Variants in CDH13 observed in about 807,000 individuals in gnomAD.
CDH13 encodes cadherin-13.
A neutral mutation model predicts 63.8 loss-of-function variants in CDH13; 24 were observed. The observed-to-expected ratio is 0.38, with a 90% CI of 0.27 to 0.53. CDH13 has a LOEUF of 0.53. CDH13 is among the 20% of genes least tolerant of loss of function. The pLI is 0.85. For synonymous variants in CDH13, 503 were observed against 355.3 expected, an observed-to-expected ratio of 1.42 and a Z score of -4.67; for missense variants, 1,049 against 903.1, an observed-to-expected ratio of 1.16 and a Z score of -2.07.
chr16:82,979,723 G>A (rs980080416), intron 2 of CDH13, among the ~76,000 whole-genome samples: 2 of 152,194 alleles, frequency 1.3e-5, no homozygotes, highest in African/African-American at 4.8e-5. Context: ...TTAGCAGGAT[G>A]AGAACAGACA....
intron 1 of CDH13, among the ~76,000 whole-genome samples, chr16:82,720,474 T>C (rs902308588): frequency 6.6e-6 from 1 of 152,176 alleles, no homozygotes; most frequent in Non-Finnish European, 1.5e-5. Context: ...GAACTGACCC[T>C]GGACAGGACA....
rs78553682 is a variant in CDH13, at chr16:83,657,348, C to A, written c.1102-13442C>A. The stretch of plus-strand genomic sequence containing the variant: ...GGTCAAACAAGGTGTCCCCCATAGA[C>A]CGTCAAGAAGACAGGCTGCTGCTTT... On this transcript the variant is annotated intron_variant, in intron 8 of 13. Coordinates refer to ENST00000567109, the MANE Select transcript of CDH13 (RefSeq NM_001257.5). 8.5e-5 allele frequency among the ~76,000 whole-genome samples: 13 copies of A among 152,270 alleles called. No homozygotes were observed. In the East Asian group the frequency reaches 2.3e-3, roughly 27 times the overall value.
chr16:83,096,760 A>C (rs1370148026), intron 3 of CDH13, among the ~76,000 whole-genome samples: 1 of 152,148 alleles, frequency 6.6e-6, no homozygotes, highest in Non-Finnish European at 1.5e-5. Flanking sequence ...CAATATTTTC[A>C]TTTTTACTTC....
At chr16:83,160,479 C>T (rs78414185) in intron 4 of CDH13, among the ~76,000 whole-genome samples, 1 of 152,100 alleles carries the variant, frequency 6.6e-6, no homozygotes, top group Non-Finnish European at 1.5e-5. Flanking sequence ...ATCAGAATGG[C>T]AATTCTGCAT....
At chr16:83,456,122 C>T (rs1299419907) in intron 6 of CDH13, among the ~76,000 whole-genome samples, 1 of 152,212 alleles carries the variant, frequency 6.6e-6, no homozygotes, top group African/African-American at 2.4e-5. Context: ...ATCCACCAAA[C>T]ACCAGTGGGG....
At chr16:82,849,438 G>C (rs1393920366) in intron 1 of CDH13, among the ~76,000 whole-genome samples, 1 of 152,118 alleles carries the variant, frequency 6.6e-6, no homozygotes, top group African/African-American at 2.4e-5. Flanking sequence ...GGAGTAGGAG[G>C]TTTCAGTGAG....
At chr16:82,925,350 G>A (rs2042271337) in intron 2 of CDH13, among the ~76,000 whole-genome samples, 1 of 152,208 alleles carries the variant, frequency 6.6e-6, no homozygotes, top group Non-Finnish European at 1.5e-5. Flanking sequence ...TGAGTGTGGA[G>A]GCCCTGTGTT....
intron 1 of CDH13, among the ~76,000 whole-genome samples, chr16:82,782,048 A>G (rs2035778707): frequency 6.6e-6 from 1 of 152,244 alleles, no homozygotes; most frequent in Non-Finnish European, 1.5e-5. Context: ...CAGGAAATTA[A>G]GTAGCTGATG....
In CDH13 at chr16:83,482,305, C is replaced by G. The variant is rs577736126; in HGVS notation, c.782-4172C>G. ...CAACAGTCTATACCCTCCAAGAGCT[C>G]ACATCTAGGACCATGTGGCCCATCA... On this transcript the variant is annotated intron_variant, in intron 6 of 13. Coordinates refer to ENST00000567109, the MANE Select transcript of CDH13 (RefSeq NM_001257.5). Among the ~76,000 whole-genome samples, 8 of 152,316 alleles carry G rather than the reference C, an allele frequency of 5.3e-5. No homozygotes were observed. In the South Asian group the frequency reaches 1.4e-3, roughly 28 times the overall value.
chr16:82,870,677 G>A (rs1597857205), intron 2 of CDH13, among the ~76,000 whole-genome samples: 1 of 152,142 alleles, frequency 6.6e-6, no homozygotes, highest in African/African-American at 2.4e-5. Context: ...AAGGTCTGAA[G>A]TGATGAATAC....
rs560050531 is a variant in CDH13 at position 82,900,789 on chromosome 16, G to A, written c.157+42316G>A. ...GTTAGCTTTTGTGCAGAATAGTGAA[G>A]GAAGAATCAATCACTTCCTTTCTGG... On this transcript the variant is annotated intron_variant, in intron 2 of 13. Coordinates refer to ENST00000567109, the MANE Select transcript of CDH13 (RefSeq NM_001257.5). Among the ~76,000 whole-genome samples the A allele has an allele frequency of 3.3e-5, 5 of 152,322 alleles. No homozygotes were observed. The South Asian group carries it at 1.0e-3, about 32-fold the overall frequency.
intron 1 of CDH13, among the ~76,000 whole-genome samples, chr16:82,799,144 G>A (rs147077024): frequency 4.2e-4 from 63 of 151,066 alleles, no homozygotes; most frequent in Non-Finnish European, 3.7e-4. Context: ...AATGCCTTCA[G>A]CGTGTTCAAA....
chr16:83,452,025 C>G (rs2072899786), intron 6 of CDH13, among the ~76,000 whole-genome samples: 1 of 152,072 alleles, frequency 6.6e-6, no homozygotes, highest in Non-Finnish European at 1.5e-5. Flanking sequence ...CTGATTTTTC[C>G]TTTGTGCCAA....
At chr16:82,639,083 C>T (rs1470684000) in intron 1 of CDH13, among the ~76,000 whole-genome samples, 1 of 152,204 alleles carries the variant, frequency 6.6e-6, no homozygotes, top group Non-Finnish European at 1.5e-5. Flanking sequence ...GTCTTTATTC[C>T]TGTGCATATT....
At chr16:82,688,196 C>A (rs577947480) in intron 1 of CDH13, among the ~76,000 whole-genome samples, 3 of 152,168 alleles carry the variant, frequency 2.0e-5, no homozygotes, top group African/African-American at 4.8e-5. Context: ...TCTCGTCCAA[C>A]ACTGGTATAG....
At chr16:83,442,920 T>C (rs1109545) in intron 6 of CDH13, among the ~76,000 whole-genome samples, 121,218 of 152,222 alleles carry the variant, frequency 0.8, 48,494 homozygotes, top group East Asian at 1. Flanking sequence ...TTTCACCCTA[T>C]ATGCTTGACC....
intron 1 of CDH13, among the ~76,000 whole-genome samples, chr16:82,647,765 C>G (rs1056424653): frequency 6.6e-6 from 1 of 152,166 alleles, no homozygotes; most frequent in Non-Finnish European, 1.5e-5. Context: ...ATGGAAAAGC[C>G]AGAAGAGACA....
chr16:83,703,274 G>A (rs540475522), intron 10 of CDH13, among the ~76,000 whole-genome samples: 2 of 152,234 alleles, frequency 1.3e-5, no homozygotes, highest in Non-Finnish European at 2.9e-5. Context: ...AATATATCTC[G>A]AAATAATCAG....
intron 5 of CDH13, among the ~76,000 whole-genome samples, chr16:83,340,690 G>C (rs956151599): frequency 6.6e-6 from 1 of 152,162 alleles, no homozygotes; most frequent in African/African-American, 2.4e-5. Context: ...TGCCAATGCT[G>C]CTGGCTTGGA....
Sources: allele counts gnomAD v4.1 joint callset (sites outside exome capture counted in the v4.1 genomes callset), GRCh38; gene constraint gnomAD v4.1.1; transcripts MANE v1.5; gene names NCBI Gene and HGNC (gene_info 2026-07-23, HGNC 2026-07-21).